ZNF821: variants seen among roughly 807,000 people sequenced by gnomAD.
The protein encoded by ZNF821 is zinc finger protein 821.
ZNF821 carries 16 observed loss-of-function variants against 44.3 expected under a neutral mutation model. The ratio of observed to expected loss-of-function variants is 0.36; its 90% CI spans 0.24 to 0.55. The LOEUF (loss-of-function observed/expected upper bound fraction) is 0.55. ZNF821 is among the 20% of genes least tolerant of loss of function. The pLI, the probability that ZNF821 is intolerant of heterozygous loss-of-function variation, is 0.86. For synonymous variants in ZNF821, 204 were observed against 197.6 expected (o/e 1.03, Z -0.27); for missense variants, 436 against 547.6 (o/e 0.80, Z 2.03).
chr16:71,870,513 C>T (rs1447540031), intron 3 of ZNF821, among the ~76,000 whole-genome samples: 1 of 136,036 alleles, frequency 7.4e-6, no homozygotes, highest in African/African-American at 2.8e-5. Context: ...TAATATGAGA[C>T]AAGAGTCTCA....
chr16:71,861,983 C>G (rs887387121), intron 6 of ZNF821, 41 bp from the exon 7 acceptor site: 1 of 1,602,736 alleles, frequency 6.2e-7, no homozygotes, highest in Non-Finnish European at 8.5e-7. Flanking sequence ...TGCGCTACCT[C>G]CAGGACAATC....
intron 6 of ZNF821, among the ~76,000 whole-genome samples, chr16:71,862,305 T>A (rs1218713245): frequency 6.6e-6 from 1 of 152,114 alleles, no homozygotes. Context: ...TGAAACCCCA[T>A]CTCTACTAAA....
chr16:71,894,639 C>A (rs1480357777), intron 1 of ZNF821: 13 of 526,866 alleles, frequency 2.5e-5, no homozygotes, highest in Non-Finnish European at 4.1e-5. Flanking sequence ...GATCTTCCTG[C>A]CTCAGCCTCC....
Position 71,863,401 on chromosome 16 carries a change from C to CTTT in ZNF821, c.417+734_417+736dup, listed in dbSNP as rs372197045. On this transcript the variant is annotated intron_variant, in intron 6 of 7. Transcript: ENST00000425432. ...ATGTTGGAAGCTTGGAGCAGAATCTCTTTTTTTTTTTTTTTTTTTTAATAC... is the reference window on the plus strand; with the variant it reads ...ATGTTGGAAGCTTGGAGCAGAATCTCTTTTTTTTTTTTTTTTTTTTTTTAATAC... 2.1e-4 allele frequency among the ~76,000 whole-genome samples: 23 copies of CTTT among 108,588 alleles called. 2 individuals are homozygous for CTTT. The highest frequency in any genetic ancestry group is 5.3e-4 in the African/African-American group (15 of 28,416). 71.2% of individuals were successfully genotyped at this position (108,588 alleles called of 152,430 possible).
At chr16:71,874,115 T>C (rs1056242364) in intron 3 of ZNF821, among the ~76,000 whole-genome samples, 15 of 152,008 alleles carry the variant, frequency 9.9e-5, no homozygotes, top group Middle Eastern at 6.8e-3. Flanking sequence ...CCCGCCACCA[T>C]GCCCAGCTAA....
chr16:71,889,442 G>C (rs2036874344), upstream of ZNF821, among the ~76,000 whole-genome samples: 1 of 152,040 alleles, frequency 6.6e-6, no homozygotes, highest in Non-Finnish European at 1.5e-5. Flanking sequence ...GGAGGCTGAG[G>C]TGCATGGATC....
chr16:71,881,526 AG>A (rs2142476984), intron 2 of ZNF821: 1 of 152,352 alleles, frequency 6.6e-6, no homozygotes, highest in South Asian at 2.1e-4. Flanking sequence ...GAGTGCTGAT[AG>A]TGTATGTTCT....
intron 1 of ZNF821, 129 bp downstream of exon 1, chr16:71,883,779 C>G (rs1239902097): frequency 6.6e-6 from 1 of 152,658 alleles, no homozygotes; most frequent in Non-Finnish European, 1.5e-5. Context: ...GGGCTGCCCC[C>G]CTAGGCCGGA....
At chr16:71,892,654 C>T (rs2036895047) in intron 1 of ZNF821, among the ~76,000 whole-genome samples, 1 of 151,446 alleles carries the variant, frequency 6.6e-6, no homozygotes. Context: ...TCATTGCAAC[C>T]TCCGCCTCCC....
At chr16:71,894,843 C>T (rs1290146176) in intron 1 of ZNF821, 10 of 1,533,634 alleles carry the variant, frequency 6.5e-6, no homozygotes, top group Non-Finnish European at 8.7e-6. Context: ...TAATGGTTTT[C>T]AAGTTAAAAA....
In ZNF821 at chr16:71,864,165, C is replaced by A; in HGVS notation, c.390G>T (p.Arg130=). The A allele has an allele frequency of 6.2e-7, 1 of 1,614,168 alleles. No homozygotes were observed. Among genetic ancestry groups the A allele is most frequent in the East Asian group, 2.2e-5 (1 of 44,886 alleles). Residue 130 remains arginine, a synonymous_variant, in exon 6 of 8, where the codon CGG becomes CGT. Coordinates refer to ENST00000425432, the MANE Select transcript of ZNF821 (RefSeq NM_001201552.2). ...GGTACACGTGAGCAATCAACTGCTC[C>A]CGGCTCCCGCAGTCTAGCTGGCAGA... ...CPLCQLDCGS[R]EQLIAHVYQH... is the part of the protein sequence containing the mutation.
chr16:71,866,567 CAT>C (rs899166882), intron 4 of ZNF821, among the ~76,000 whole-genome samples: 3 of 152,120 alleles, frequency 2.0e-5, no homozygotes, highest in Admixed American at 1.3e-4. Flanking sequence ...ATATATCAAA[CAT>C]ATTTTTGTAA....
intron 3 of ZNF821, among the ~76,000 whole-genome samples, chr16:71,868,603 A>G (rs926253961): frequency 9.9e-5 from 15 of 152,216 alleles, no homozygotes; most frequent in African/African-American, 3.6e-4. Context: ...TGTTTATCAT[A>G]ATTAGCCATG....
At chr16:71,886,254 G>C (rs2036849764), upstream of ZNF821, among the ~76,000 whole-genome samples, 1 of 152,166 alleles carries the variant, frequency 6.6e-6, no homozygotes, top group Non-Finnish European at 1.5e-5. Flanking sequence ...ATTAGTTTAA[G>C]TTAGGCATGG....
intron 3 of ZNF821, among the ~76,000 whole-genome samples, chr16:71,869,805 AT>A (rs1318925129): frequency 6.6e-6 from 1 of 151,750 alleles, no homozygotes; most frequent in East Asian, 1.9e-4. Context: ...GCCTGGCAAT[AT>A]TTTTATTTTT....
chr16:71,862,482 AAAC>A (rs1276482283), intron 6 of ZNF821, among the ~76,000 whole-genome samples: 1 of 152,164 alleles, frequency 6.6e-6, no homozygotes, highest in African/African-American at 2.4e-5. Context: ...CTCAAAAACA[AAAC>A]AAAACAAAAC....
At chr16:71,870,966 C>T (rs1418430642) in intron 3 of ZNF821, among the ~76,000 whole-genome samples, 2 of 152,204 alleles carry the variant, frequency 1.3e-5, no homozygotes, top group Non-Finnish European at 2.9e-5. Flanking sequence ...AGATTTAGAA[C>T]ATACTAAGAA....
chr16:71,866,348 A>G (rs1327508360), intron 4 of ZNF821, among the ~76,000 whole-genome samples: 1 of 152,188 alleles, frequency 6.6e-6, no homozygotes, highest in African/African-American at 2.4e-5. Flanking sequence ...TAGTAGTTAC[A>G]TGTGTCCTTA....
chr16:71,887,482 T>C (rs970263284), upstream of ZNF821, among the ~76,000 whole-genome samples: 1 of 152,090 alleles, frequency 6.6e-6, no homozygotes, highest in Non-Finnish European at 1.5e-5. Context: ...AGGATGGTCT[T>C]GATCTCCTGA....
Sources: gnomAD v4.1 joint callset for allele counts (sites outside exome capture counted in the v4.1 genomes callset) on GRCh38, gnomAD v4.1.1 for gene constraint, MANE v1.5 for transcripts, NCBI Gene and HGNC (gene_info 2026-07-23, HGNC 2026-07-21) for gene names.